The following DOP1B variants were observed in gnomAD, a reference collection of about 807,000 sequenced individuals.
The protein encoded by DOP1B is protein DOP1B.
DOP1B carries 174 observed loss-of-function variants against 233.5 expected under a neutral mutation model. That is an observed-to-expected ratio of 0.75 (90% CI 0.66 to 0.85). DOP1B has a LOEUF of 0.85. DOP1B is among the 40% of genes least tolerant of loss of function. The pLI is 0.00. For synonymous variants in DOP1B, 1,190 were observed against 1,185.6 expected (o/e 1.00, Z -0.08); for missense variants, 2,652 against 2,846.6 (o/e 0.93, Z 1.56).
chr21:36,239,280 C>T (rs918729146), intron 17 of DOP1B, among the ~76,000 whole-genome samples: 1 of 152,180 alleles, frequency 6.6e-6, no homozygotes, highest in African/African-American at 2.4e-5. Context: ...GCTTTTACGG[C>T]ATGCCCCTAT....
chr21:36,285,116 G>A (rs1484079580), intron 32 of DOP1B, among the ~76,000 whole-genome samples: 3 of 152,116 alleles, frequency 2.0e-5, no homozygotes, highest in Non-Finnish European at 4.4e-5. Context: ...CTGGAGTGCA[G>A]TGGCACAATC....
chr21:36,282,677 C>CA (rs1199268105), intron 32 of DOP1B, among the ~76,000 whole-genome samples: 1 of 151,656 alleles, frequency 6.6e-6, no homozygotes, highest in African/African-American at 2.4e-5. Context: ...TTGACTGCAT[C>CA]AAAAATAATT....
chr21:36,258,827 C>T (rs1394541499), intron 23 of DOP1B, among the ~76,000 whole-genome samples: 1 of 152,142 alleles, frequency 6.6e-6, no homozygotes, highest in Non-Finnish European at 1.5e-5. Context: ...AACAGCACTG[C>T]GAGGCCAGGT....
intron 2 of DOP1B, among the ~76,000 whole-genome samples, chr21:36,177,439 T>C (rs2066044156): frequency 6.6e-6 from 1 of 152,232 alleles, no homozygotes; most frequent in African/African-American, 2.4e-5. Flanking sequence ...CCATTCTTCC[T>C]TTCAGGTCTG....
At chr21:36,182,264 T>A (rs972340570) in intron 2 of DOP1B, among the ~76,000 whole-genome samples, 1 of 152,194 alleles carries the variant, frequency 6.6e-6, no homozygotes, top group Non-Finnish European at 1.5e-5. Context: ...TCTGCCCTCT[T>A]CTTTCTTGCC....
intron 35 of DOP1B, among the ~76,000 whole-genome samples, chr21:36,290,812 A>T (rs2067547696): frequency 6.9e-6 from 1 of 144,132 alleles, no homozygotes; most frequent in Non-Finnish European, 1.5e-5. Flanking sequence ...AAAAAAAAAA[A>T]TACAAAAATT....
At position 36,230,626 on chromosome 21, in the gene DOP1B, C is replaced by A. The variant is rs138745871; in HGVS notation, c.1842C>A (p.Asp614Glu). The A allele has an allele frequency of 1.1e-5, 18 of 1,614,014 alleles. No homozygotes were observed. Among genetic ancestry groups the A allele is most frequent in the Non-Finnish European group, 1.4e-5 (17 of 1,180,040 alleles). ...TTCCTCGAGTTTCTCTGGAAAGGGA[C>A]GACGTTTGGAAGAAGGGCGGGAGCA... ...LRVPRVSLER[D>E]DVWKKGGSMQ... Residue 614 changes from aspartate (D) to glutamate (E), a missense_variant, in exon 14 of 37, where the codon GAC (aspartate) becomes GAA (glutamate). By Grantham distance (45) the Asp-to-Glu change is conservative. This residue lies in a region of DOP1B where 2,617 missense variants were observed against 2,794.3 expected (regional missense o/e 0.94). Coordinates refer to ENST00000691173, the MANE Select transcript of DOP1B (RefSeq NM_001320714.2).
At chr21:36,243,371 T>C (rs58703316) in intron 18 of DOP1B, among the ~76,000 whole-genome samples, 5,919 of 150,114 alleles carry the variant, frequency 0.039, 392 homozygotes, top group East Asian at 0.28. Flanking sequence ...TTTTCTTCTT[T>C]TTTTTTTTTT....
intron 28 of DOP1B, 121 bp from the exon 29 acceptor site, chr21:36,277,854 C>G: frequency 1.4e-6 from 1 of 739,138 alleles, no homozygotes; most frequent in Non-Finnish European, 2.3e-6. Flanking sequence ...GTTGGCCAGA[C>G]TGGTCTCAAA....
chr21:36,260,458 G>GC (rs1351384886), intron 23 of DOP1B, among the ~76,000 whole-genome samples: 1 of 152,180 alleles, frequency 6.6e-6, no homozygotes, highest in Non-Finnish European at 1.5e-5. Flanking sequence ...GGAGATCACT[G>GC]TAGAAGTCTA....
intron 2 of DOP1B, among the ~76,000 whole-genome samples, chr21:36,183,220 C>A (rs1265297624): frequency 6.6e-6 from 1 of 152,196 alleles, no homozygotes; most frequent in African/African-American, 2.4e-5. Flanking sequence ...GCCTCCCTGA[C>A]TTCTGTCCAG....
At chr21:36,201,896 T>G (rs192058142) in intron 4 of DOP1B, among the ~76,000 whole-genome samples, 1 of 152,050 alleles carries the variant, frequency 6.6e-6, no homozygotes, top group East Asian at 1.9e-4. Context: ...TTCCGACTAT[T>G]GAGTATGGCC....
chr21:36,289,069 G>A lies in DOP1B; in HGVS notation c.6378G>A (p.Thr2126=), dbSNP rs148971960. ...SLRSTNKVNR[T]KVSVPDANGP... ...GAAGCACCAACAAAGTAAACAGAACGAAAGTTTCAGTCCCGGATGCAAATG... is the reference window on the plus strand; with the variant it reads ...GAAGCACCAACAAAGTAAACAGAACAAAAGTTTCAGTCCCGGATGCAAATG... The change falls in exon 35 of 37, where the codon ACG becomes ACA. Residue 2126 remains threonine (T), a synonymous_variant. Coordinates refer to ENST00000691173, the MANE Select transcript of DOP1B (RefSeq NM_001320714.2). The A allele has an allele frequency of 5.1e-5, 82 of 1,612,070 alleles. No individual in the cohort carries two copies. Among genetic ancestry groups the A allele is most frequent in the African/African-American group, 2.4e-4 (18 of 74,830 alleles).
Position 36,245,442 on chromosome 21 carries a change from G to A in DOP1B, c.3462G>A (p.Ala1154=), listed in dbSNP as rs140264197. ...CCAPIPMGGR[A]YPKRSALLAA... is the part of the protein sequence containing the mutation. ...CACCCATCCCCATGGGGGGCAGGGC[G>A]TACCCCAAGCGCTCGGCCCTGCTGG... Residue 1154 remains alanine, a synonymous_variant, in exon 19 of 37, where the codon GCG becomes GCA. Coordinates refer to ENST00000691173, the MANE Select transcript of DOP1B (RefSeq NM_001320714.2). This position sits in a 1 kb window ranked among gnomAD's most constrained non-coding sequence, Gnocchi z 5.5. 332 of 1,613,966 alleles carry A rather than the reference G, an allele frequency of 2.1e-4. No homozygotes were observed. The highest frequency in any genetic ancestry group is 1.8e-3 in the African/African-American group (135 of 75,062).
At chr21:36,256,484 A>ATATAGC (rs1475441607) in intron 23 of DOP1B, among the ~76,000 whole-genome samples, 2 of 152,226 alleles carry the variant, frequency 1.3e-5, no homozygotes, top group Non-Finnish European at 2.9e-5. Context: ...TTATTAAAAA[A>ATATAGC]TATAGCTATA....
intron 10 of DOP1B, among the ~76,000 whole-genome samples, chr21:36,222,073 T>A (rs945240296): frequency 6.6e-6 from 1 of 152,044 alleles, no homozygotes; most frequent in Non-Finnish European, 1.5e-5. Context: ...AGTTTTGCCA[T>A]GTTTGCCAGG....
At chr21:36,233,272 G>A (rs951331758) in intron 15 of DOP1B, among the ~76,000 whole-genome samples, 197 bp downstream of exon 15, 1 of 152,192 alleles carries the variant, frequency 6.6e-6, no homozygotes, top group African/African-American at 2.4e-5. Flanking sequence ...TACAGTGAGA[G>A]CAACTGGGGC....
chr21:36,207,509 T>G (rs932618468), intron 4 of DOP1B, among the ~76,000 whole-genome samples: 50 of 150,540 alleles, frequency 3.3e-4, no homozygotes, highest in African/African-American at 1.0e-3. Flanking sequence ...GTTTTTTTTT[T>G]TTTTTTTTTT....
intron 9 of DOP1B, 152 bp from the exon 10 acceptor site, chr21:36,219,220 C>G: frequency 9.4e-7 from 1 of 1,062,612 alleles, no homozygotes. Context: ...AAAGTTGTCA[C>G]CAGTAAAGTT....
Sources: gnomAD v4.1 joint callset for allele counts (sites outside exome capture counted in the v4.1 genomes callset) on GRCh38, gnomAD v4.1.1 for gene constraint, gnomAD v4.1.1 regional missense constraint, Gnocchi (gnomAD v3.1) non-coding constraint, MANE v1.5 for transcripts, NCBI Gene and HGNC (gene_info 2026-07-23, HGNC 2026-07-21) for gene names.